Variants in GAP43 observed in about 807,000 individuals in gnomAD.
GAP43 encodes neuromodulin.
In GAP43, 6 loss-of-function variants were observed where a neutral mutation model predicts 18.6. The ratio of observed to expected loss-of-function variants is 0.32; its 90% CI spans 0.18 to 0.64. The LOEUF is 0.64. Among genes scored for constraint, GAP43 ranks in the 30% least tolerant of loss-of-function variants. GAP43 has a pLI of 0.78. For synonymous variants in GAP43, 115 were observed against 111.4 expected (o/e 1.03, Z -0.20); for missense variants, 292 against 295.5 (o/e 0.99, Z 0.09).
At chr3:115,701,790 C>T (rs1438630) in intron 2 of GAP43, among the ~76,000 whole-genome samples, 1,579 of 152,190 alleles carry the variant, frequency 0.01, 24 homozygotes, top group African/African-American at 0.034. Context: ...CATTCCACCC[C>T]GCCAACCTGT....
chr3:115,673,133 C>T (rs1344574157), intron 1 of GAP43, among the ~76,000 whole-genome samples: 1 of 152,086 alleles, frequency 6.6e-6, no homozygotes, highest in Non-Finnish European at 1.5e-5. Flanking sequence ...CTAGTCTTAG[C>T]CTTTCTAAAA....
intron 1 of GAP43, among the ~76,000 whole-genome samples, chr3:115,625,579 T>C (rs1708177679): frequency 6.6e-6 from 1 of 152,146 alleles, no homozygotes; most frequent in African/African-American, 2.4e-5. Context: ...AATATTCAGG[T>C]TCATAATTTG....
At chr3:115,680,791 A>C (rs1708950691) in intron 2 of GAP43, among the ~76,000 whole-genome samples, 2 of 152,232 alleles carry the variant, frequency 1.3e-5, no homozygotes, top group African/African-American at 4.8e-5. Context: ...TGTGTATAAG[A>C]AAATGAAATA....
chr3:115,659,000 G>C (rs1275251932), intron 1 of GAP43: 1 of 152,518 alleles, frequency 6.6e-6, no homozygotes, highest in Non-Finnish European at 1.5e-5. Context: ...AGGAGAGAAA[G>C]CTGGGTCAAT....
At chr3:115,657,165 T>C (rs1369976467) in intron 1 of GAP43, among the ~76,000 whole-genome samples, 2 of 152,058 alleles carry the variant, frequency 1.3e-5, no homozygotes, top group African/African-American at 4.8e-5. Context: ...AAACATCATG[T>C]GGGGAGAGGG....
intron 1 of GAP43, among the ~76,000 whole-genome samples, chr3:115,665,026 C>T (rs1292640003): frequency 6.6e-6 from 1 of 151,964 alleles, no homozygotes; most frequent in Non-Finnish European, 1.5e-5. Flanking sequence ...TAAGGATAAT[C>T]ACTCACCTGG....
intron 1 of GAP43, among the ~76,000 whole-genome samples, chr3:115,659,868 A>AT (rs1708635497): frequency 1.3e-5 from 2 of 152,252 alleles, no homozygotes; most frequent in African/African-American, 4.8e-5. Context: ...GATAACAGTG[A>AT]TTCGCGTATC....
intron 1 of GAP43, among the ~76,000 whole-genome samples, chr3:115,636,368 T>A (rs1417811346): frequency 6.6e-6 from 1 of 152,120 alleles, no homozygotes; most frequent in East Asian, 1.9e-4. Flanking sequence ...TTGTAATGTA[T>A]TTCACATATG....
At chr3:115,682,763 C>A (rs1225431273) in intron 2 of GAP43, among the ~76,000 whole-genome samples, 5 of 152,170 alleles carry the variant, frequency 3.3e-5, no homozygotes, top group Non-Finnish European at 7.3e-5. Context: ...TCTCAAACTC[C>A]TGACCTCAGG....
intron 1 of GAP43, among the ~76,000 whole-genome samples, chr3:115,646,510 TAGGCAATATTGCCTAAC>T (rs1463667780): frequency 3.3e-5 from 5 of 152,074 alleles, no homozygotes; most frequent in South Asian, 4.1e-4. Flanking sequence ...AATTGCCTAA[TAGGCAATATTGCCTAAC>T]AGGATAGGTG....
intron 1 of GAP43, among the ~76,000 whole-genome samples, chr3:115,670,955 C>T (rs1235824929): frequency 6.6e-6 from 1 of 152,080 alleles, no homozygotes; most frequent in African/African-American, 2.4e-5. Flanking sequence ...ATTTGTAATG[C>T]ATTTAAAATT....
intron 1 of GAP43, among the ~76,000 whole-genome samples, chr3:115,654,676 T>C (rs773957352): frequency 2.0e-5 from 3 of 152,204 alleles, no homozygotes; most frequent in Non-Finnish European, 4.4e-5. Context: ...AGAAACACAG[T>C]ATGTTTATCC....
At chr3:115,655,530 C>T (rs967678318) in intron 1 of GAP43, among the ~76,000 whole-genome samples, 1 of 152,244 alleles carries the variant, frequency 6.6e-6, no homozygotes, top group East Asian at 1.9e-4. Context: ...ACTATCTTCT[C>T]TCTGCAAAAT....
At chr3:115,663,353 C>T (rs1708689498) in intron 1 of GAP43, among the ~76,000 whole-genome samples, 1 of 152,186 alleles carries the variant, frequency 6.6e-6, no homozygotes, top group Non-Finnish European at 1.5e-5. Flanking sequence ...TCTTTACCAC[C>T]TGCTCAATCC....
intron 1 of GAP43, among the ~76,000 whole-genome samples, chr3:115,647,020 T>G (rs1708465902): frequency 6.6e-6 from 1 of 151,966 alleles, no homozygotes; most frequent in African/African-American, 2.4e-5. Context: ...TTAGTTCCCC[T>G]CACATTTCCT....
Position 115,676,378 on chromosome 3 carries a change from G to A in GAP43, c.396G>A (p.Glu132=), listed in dbSNP as rs1229658681. The A allele has an allele frequency of 1.2e-6, 2 of 1,613,956 alleles. No individual in the cohort carries two copies. Among genetic ancestry groups the A allele is most frequent in the Admixed American group, 3.3e-5 (2 of 60,000 alleles). The change falls in exon 2 of 3, where the codon GAG becomes GAA. Residue 132 remains glutamate, a synonymous_variant. Transcript: ENST00000305124. ...CCCCCCAGGCTCCTGCATCCTCAGA[G>A]GAGAAGGCCGGCTCAGCTGAGACAG... ...QAAPQAPASS[E]EKAGSAETES... is the part of the protein sequence containing the mutation.
At chr3:115,642,333 T>C (rs1708407648) in intron 1 of GAP43, among the ~76,000 whole-genome samples, 1 of 151,964 alleles carries the variant, frequency 6.6e-6, no homozygotes, top group South Asian at 2.1e-4. Flanking sequence ...ATTACAATCC[T>C]TTATTCATTC....
intron 2 of GAP43, among the ~76,000 whole-genome samples, chr3:115,713,711 A>G (rs1386610822): frequency 6.6e-6 from 1 of 152,244 alleles, no homozygotes; most frequent in Admixed American, 6.5e-5. Flanking sequence ...TACATCTTTC[A>G]AGGACCACTG....
At chr3:115,720,129 C>A (rs1029423114) in intron 2 of GAP43, among the ~76,000 whole-genome samples, 3 of 152,074 alleles carry the variant, frequency 2.0e-5, no homozygotes, top group African/African-American at 7.2e-5. Flanking sequence ...TACAGTCACT[C>A]AGTGATGATT....
Sources: allele counts gnomAD v4.1 joint callset (sites outside exome capture counted in the v4.1 genomes callset), GRCh38; gene constraint gnomAD v4.1.1; transcripts MANE v1.5; gene names NCBI Gene and HGNC (gene_info 2026-07-23, HGNC 2026-07-21).